GFRA1: variants seen among roughly 807,000 people sequenced by gnomAD.
The protein encoded by GFRA1 is GDNF family receptor alpha 1.
Under a neutral mutation model 51.6 loss-of-function variants are expected in GFRA1, and 16 were observed. That is an observed-to-expected ratio of 0.31 (90% CI 0.21 to 0.47). The LOEUF (loss-of-function observed/expected upper bound fraction) is 0.47. GFRA1 is among the 20% of genes least tolerant of loss of function. The pLI is 1.00. For missense variants in GFRA1, 530 were observed against 594.3 expected, an observed-to-expected ratio of 0.89 and a Z score of 1.13; for synonymous variants, 270 against 241.3, an observed-to-expected ratio of 1.12 and a Z score of -1.10.
chr10:116,118,188 T>C (rs1346414341), intron 6 of GFRA1, among the ~76,000 whole-genome samples: 2 of 152,240 alleles, frequency 1.3e-5, no homozygotes, highest in Non-Finnish European at 2.9e-5. Context: ...CCCTCCATGG[T>C]GTCCAGTGGG....
intron 4 of GFRA1, among the ~76,000 whole-genome samples, chr10:116,267,706 C>T (rs1279698320): frequency 6.6e-6 from 1 of 152,102 alleles, no homozygotes; most frequent in Non-Finnish European, 1.5e-5. Flanking sequence ...CCACTGGCAA[C>T]ACCCCATCCC....
chr10:116,181,223 C>T (rs1372955166), intron 5 of GFRA1, among the ~76,000 whole-genome samples: 2 of 152,216 alleles, frequency 1.3e-5, no homozygotes, highest in Admixed American at 6.5e-5. Context: ...TGTTGAAAAG[C>T]AGACATCAGG....
chr10:116,081,800 T>C (rs1295215038), intron 9 of GFRA1, among the ~76,000 whole-genome samples: 4 of 152,220 alleles, frequency 2.6e-5, no homozygotes, highest in African/African-American at 9.6e-5. Flanking sequence ...TACGACATCA[T>C]TTTAGGTAGC....
At chr10:116,266,460 T>C (rs1969665317) in intron 4 of GFRA1, among the ~76,000 whole-genome samples, 1 of 152,236 alleles carries the variant, frequency 6.6e-6, no homozygotes, top group African/African-American at 2.4e-5. Flanking sequence ...CATTATTCAA[T>C]GACTTAAAGC....
intron 9 of GFRA1, among the ~76,000 whole-genome samples, chr10:116,077,804 G>C (rs368341696): frequency 1.6e-4 from 24 of 152,178 alleles, no homozygotes; most frequent in Admixed American, 1.2e-3. Flanking sequence ...GGCAGGCTGG[G>C]GGGGACAGCT....
chr10:116,088,552 G>A (rs989878892), intron 9 of GFRA1, among the ~76,000 whole-genome samples: 1 of 152,072 alleles, frequency 6.6e-6, no homozygotes, highest in Non-Finnish European at 1.5e-5. Flanking sequence ...GTCCTCAAAC[G>A]AAAGAAGCTA....
chr10:116,062,198 T>C lies in GFRA1; in HGVS notation c.*2200A>G, dbSNP rs889402663. The C allele has an allele frequency of 1.0e-5, 4 of 398,384 alleles. No homozygotes were observed. The highest frequency in any genetic ancestry group is 1.3e-5 in the Non-Finnish European group (3 of 225,996). The allele number at this position is 398,384 out of a possible 1,614,324, so 24.7% of individuals were successfully genotyped here. A position where few individuals can be genotyped will look rare whatever the true frequency, so the allele number is the denominator to read the frequency against. ...AGAAGTAATCAGTAGCTTTCTACAG[T>C]GGATCACATAGAATCAGATCCCTAT... On this transcript the variant is annotated 3_prime_UTR_variant, in exon 11 of 11. Transcript: ENST00000355422.
chr10:116,091,597 A>T (rs571870778), intron 8 of GFRA1, among the ~76,000 whole-genome samples: 1 of 152,318 alleles, frequency 6.6e-6, no homozygotes, highest in South Asian at 2.1e-4. Context: ...GCTTAAAAAC[A>T]ACTGTTTCCT....
intron 4 of GFRA1, among the ~76,000 whole-genome samples, chr10:116,225,540 A>G (rs76598481): frequency 5.5e-4 from 74 of 134,960 alleles, no homozygotes; most frequent in Non-Finnish European, 8.6e-4. Context: ...TCTCCAAAAA[A>G]AAAAAAAAAA....
rs184386253 is a variant in GFRA1, at chr10:116,229,752, T to C, written c.419-18107A>G. ...AATACATCGACATTTTAAGGAAATA[T>C]GTTACACTGTTGGGACTCAGTCAAT... On this transcript the variant is annotated intron_variant, in intron 4 of 10. Transcript: ENST00000355422. Among the ~76,000 whole-genome samples, 373 of 152,270 alleles carry C rather than the reference T, an allele frequency of 2.4e-3. 2 individuals are homozygous for C. Among genetic ancestry groups the C allele is most frequent in the Middle Eastern group, 0.014 (4 of 294 alleles).
chr10:116,222,974 G>A (rs992834744), intron 4 of GFRA1, among the ~76,000 whole-genome samples: 4 of 152,124 alleles, frequency 2.6e-5, no homozygotes, highest in Admixed American at 1.3e-4. Context: ...GTAACCTATA[G>A]ATTATTTAAA....
rs1245060012 is a variant in GFRA1, at chr10:116,060,399, T to G, written c.*3999A>C. 6.6e-6 allele frequency: 1 copy of G among 152,204 alleles called. No individual in the cohort carries two copies. Among genetic ancestry groups the G allele is most frequent in the East Asian group, 1.9e-4 (1 of 5,194 alleles). 9.4% of individuals were successfully genotyped at this position (152,204 alleles called of 1,614,324 possible). ...TCTGGCTTCCTGTCTCTAAAGAACT[T>G]CTGCCTGATTCAAGGAACTCTGGCT... On this transcript the variant is annotated 3_prime_UTR_variant, in exon 11 of 11. Transcript: ENST00000355422.
At chr10:116,145,981 AAAG>A (rs1958783266) in intron 5 of GFRA1, among the ~76,000 whole-genome samples, 1 of 152,136 alleles carries the variant, frequency 6.6e-6, no homozygotes, top group Non-Finnish European at 1.5e-5. Flanking sequence ...ACATTTATAT[AAAG>A]AATAAAAACC....
chr10:116,228,936 G>A (rs139458761), intron 4 of GFRA1, among the ~76,000 whole-genome samples: 301 of 124,634 alleles, frequency 2.4e-3, no homozygotes, highest in African/African-American at 8.2e-3. Context: ...AGCCAAGATC[G>A]CGCCACTGCA....
chr10:116,108,371 G>T (rs1386498227), intron 6 of GFRA1, among the ~76,000 whole-genome samples: 1 of 152,076 alleles, frequency 6.6e-6, no homozygotes, highest in Non-Finnish European at 1.5e-5. Context: ...GACGTCAAAT[G>T]AATAAATCAC....
chr10:116,263,539 G>A (rs953746113), intron 4 of GFRA1, among the ~76,000 whole-genome samples: 1 of 152,212 alleles, frequency 6.6e-6, no homozygotes. Context: ...GCACCAGCAG[G>A]TGCAAAGGTA....
At chr10:116,095,939 G>A (rs1956551572) in intron 7 of GFRA1, among the ~76,000 whole-genome samples, 1 of 152,046 alleles carries the variant, frequency 6.6e-6, no homozygotes, top group Non-Finnish European at 1.5e-5. Context: ...CCTGGTACCT[G>A]GGACACCTGC....
chr10:116,091,130 G>GACTC (rs1283243768), intron 8 of GFRA1, among the ~76,000 whole-genome samples: 2 of 152,176 alleles, frequency 1.3e-5, no homozygotes, highest in African/African-American at 2.4e-5. Context: ...AGATTCAAGA[G>GACTC]ACTCACAGTT....
intron 5 of GFRA1, among the ~76,000 whole-genome samples, chr10:116,134,071 C>A (rs1345303876): frequency 6.6e-6 from 1 of 152,140 alleles, no homozygotes; most frequent in Non-Finnish European, 1.5e-5. Flanking sequence ...AACTAGAAAT[C>A]TATTTCTATG....
Sources: allele counts gnomAD v4.1 joint callset (sites outside exome capture counted in the v4.1 genomes callset), GRCh38; gene constraint gnomAD v4.1.1; transcripts MANE v1.5; gene names NCBI Gene and HGNC (gene_info 2026-07-23, HGNC 2026-07-21).